Variants in DENND1A observed in about 807,000 individuals in gnomAD.
DENND1A encodes DENN domain-containing protein 1A.
In DENND1A, 51 loss-of-function variants were observed where a neutral mutation model predicts 113.7. The ratio of observed to expected loss-of-function variants is 0.45; its 90% CI spans 0.36 to 0.57. DENND1A has a LOEUF of 0.57. DENND1A is among the 20% of genes least tolerant of loss of function. DENND1A has a pLI of 0.00. For synonymous variants in DENND1A, 565 were observed against 570.8 expected, an observed-to-expected ratio of 0.99 and a Z score of 0.14; for missense variants, 1,258 against 1,395.9, an observed-to-expected ratio of 0.90 and a Z score of 1.57.
rs544410606 is a variant in DENND1A, at chr9:123,878,962, C to T, written c.77G>A (p.Gly26Asp). The T allele has an allele frequency of 5.6e-6, 9 of 1,613,846 alleles. No homozygotes were observed. In the South Asian group the frequency reaches 8.8e-5, roughly 16 times the overall value. Residue 26 changes from glycine (G) to aspartate (D), a missense_variant, in exon 2 of 24, where the codon GGC (glycine) becomes GAC (aspartate). By Grantham distance (94) the Gly-to-Asp change is moderately conservative (BLOSUM62 -1). Transcript: ENST00000394215. ...YVEVAYPRTG[G>D]TLSDPEVQRQ... ...AACATGCAAAGTACCTGAAAGAGTG[C>T]CACCTGTCCTGGGATAGGCCACTTC...
intron 3 of DENND1A, among the ~76,000 whole-genome samples, chr9:123,790,021 T>C (rs1832772807): frequency 6.6e-6 from 1 of 151,854 alleles, no homozygotes; most frequent in African/African-American, 2.4e-5. Context: ...GTCTGTGTGG[T>C]AATAAGTGCT....
chr9:123,382,467 T>C lies in DENND1A; in HGVS notation c.2178A>G (p.Gly726=), dbSNP rs2491348. The change falls in exon 24 of 24, where the codon GGA becomes GGG. Residue 726 remains glycine, a synonymous_variant. Coordinates refer to ENST00000394215, the MANE Select transcript of DENND1A (RefSeq NM_001352964.2). ...GCCTTCGAGGCAGGGCCAGGGAGTT[T>C]CCGAGCAGGGCTGAGGGCTTCTCAG... ...ASPEKPSALL[G]NSLALPRRPQ... is the part of the protein sequence containing the mutation. 1,607,810 of 1,613,654 alleles carry C rather than the reference T, an allele frequency of 1. 801,132 individuals are homozygous for C. Among genetic ancestry groups the C allele is most frequent in the East Asian group, 1 (44,862 of 44,866 alleles).
At chr9:123,435,691 T>G (rs1458664484) in intron 19 of DENND1A, among the ~76,000 whole-genome samples, 2 of 152,218 alleles carry the variant, frequency 1.3e-5, no homozygotes, top group Non-Finnish European at 2.9e-5. Context: ...TCTCTAGCCT[T>G]GGCTATCTGC....
At chr9:123,466,171 G>A (rs760428884) in intron 13 of DENND1A, among the ~76,000 whole-genome samples, 24 of 151,826 alleles carry the variant, frequency 1.6e-4, no homozygotes, top group Non-Finnish European at 2.8e-4. Flanking sequence ...GCTAATTTTT[G>A]TATTTTCAGT....
At chr9:123,847,272 A>T (rs1021579021) in intron 2 of DENND1A, among the ~76,000 whole-genome samples, 6 of 152,192 alleles carry the variant, frequency 3.9e-5, no homozygotes, top group Admixed American at 6.5e-5. Flanking sequence ...AAATGGTTTA[A>T]AACTGTAAAG....
intron 1 of DENND1A, 21 bp downstream of exon 1, chr9:123,929,868 G>A (rs1186534211): frequency 1.5e-5 from 4 of 266,970 alleles, no homozygotes; most frequent in Non-Finnish European, 2.1e-5. Context: ...GCCCGGCTCC[G>A]CCCGGCCCGG....
intron 2 of DENND1A, among the ~76,000 whole-genome samples, chr9:123,848,953 G>C (rs1337266431): frequency 1.3e-5 from 2 of 152,176 alleles, no homozygotes. Flanking sequence ...AGCTGCAGGA[G>C]AGTTTGAAAC....
intron 1 of DENND1A, among the ~76,000 whole-genome samples, chr9:123,896,662 A>G (rs1850804785): frequency 6.6e-6 from 1 of 152,216 alleles, no homozygotes; most frequent in Non-Finnish European, 1.5e-5. Context: ...ATGAGTAAAC[A>G]GTAAGAAACT....
intron 2 of DENND1A, among the ~76,000 whole-genome samples, chr9:123,867,457 G>A (rs931074313): frequency 6.6e-6 from 1 of 152,172 alleles, no homozygotes; most frequent in Non-Finnish European, 1.5e-5. Context: ...CAAGAAACCT[G>A]AAGATCGGTA....
chr9:123,521,058 G>T (rs1373484337), intron 13 of DENND1A, among the ~76,000 whole-genome samples: 1 of 152,222 alleles, frequency 6.6e-6, no homozygotes, highest in Admixed American at 6.5e-5. Context: ...ACAGGACTGA[G>T]CTGCTGGAGT....
intron 2 of DENND1A, among the ~76,000 whole-genome samples, chr9:123,863,936 G>A (rs1845443706): frequency 6.7e-6 from 1 of 149,708 alleles, no homozygotes; most frequent in Non-Finnish European, 1.5e-5. Flanking sequence ...TTTTTTAAAG[G>A]ACTGTTTCCA....
intron 13 of DENND1A, among the ~76,000 whole-genome samples, chr9:123,524,343 T>C (rs2054633261): frequency 6.6e-6 from 1 of 152,238 alleles, no homozygotes; most frequent in Non-Finnish European, 1.5e-5. Context: ...CTTTCAATGA[T>C]ATCTGCGGGT....
At chr9:123,677,846 G>A (rs981575590) in intron 5 of DENND1A, among the ~76,000 whole-genome samples, 2 of 152,094 alleles carry the variant, frequency 1.3e-5, no homozygotes, top group Non-Finnish European at 2.9e-5. Context: ...GGACTTCTGG[G>A]GCTCTTCACT....
intron 10 of DENND1A, among the ~76,000 whole-genome samples, chr9:123,616,732 GC>G (rs1190404827): frequency 1.3e-5 from 2 of 152,310 alleles, no homozygotes; most frequent in African/African-American, 4.8e-5. Context: ...AAATAAACCA[GC>G]CACCCAGGAG....
At chr9:123,620,515 A>T (rs2060904797) in intron 10 of DENND1A, among the ~76,000 whole-genome samples, 1 of 152,184 alleles carries the variant, frequency 6.6e-6, no homozygotes, top group Non-Finnish European at 1.5e-5. Context: ...CATCTTTAGT[A>T]GGACCAGAGT....
chr9:123,489,379 A>G (rs565966044), intron 13 of DENND1A, among the ~76,000 whole-genome samples: 1 of 152,298 alleles, frequency 6.6e-6, no homozygotes, highest in South Asian at 2.1e-4. Context: ...GATGATCCTG[A>G]CCAGGTCTCC....
chr9:123,840,877 T>G (rs2132955586), intron 2 of DENND1A, among the ~76,000 whole-genome samples: 1 of 152,288 alleles, frequency 6.6e-6, no homozygotes, highest in South Asian at 2.1e-4. Flanking sequence ...ATATTATATC[T>G]TTTCTGGTTT....
chr9:123,885,081 C>G (rs1219599729), intron 1 of DENND1A, among the ~76,000 whole-genome samples: 3 of 151,846 alleles, frequency 2.0e-5, no homozygotes, highest in South Asian at 2.1e-4. Flanking sequence ...ACAGCCTAGA[C>G]TGGGTTAAGT....
intron 21 of DENND1A, chr9:123,402,516 C>T (rs1340323075): frequency 1.9e-6 from 1 of 534,824 alleles, no homozygotes; most frequent in South Asian, 1.4e-5. Flanking sequence ...ACATGGGGGC[C>T]TCCCCCTTTC....
Sources: allele counts gnomAD v4.1 joint callset (sites outside exome capture counted in the v4.1 genomes callset), GRCh38; gene constraint gnomAD v4.1.1; transcripts MANE v1.5; gene names NCBI Gene and HGNC (gene_info 2026-07-23, HGNC 2026-07-21).